TMTC4: variants seen among roughly 807,000 people sequenced by gnomAD.
The protein encoded by TMTC4 is transmembrane O-mannosyltransferase targeting cadherins 4.
A neutral mutation model predicts 86.0 loss-of-function variants in TMTC4; 65 were observed. That is an observed-to-expected ratio of 0.76 (90% CI 0.62 to 0.93). The LOEUF (loss-of-function observed/expected upper bound fraction) is 0.93, where lower values mean the gene tolerates loss of function less well. Ranked by LOEUF, TMTC4 falls within the 40% of genes least tolerant of loss-of-function variation. The pLI, the probability that TMTC4 is intolerant of heterozygous loss-of-function variation, is 0.00. For missense variants in TMTC4, 866 were observed against 948.1 expected (o/e 0.91, Z 1.14); for synonymous variants, 379 against 382.5 (o/e 0.99, Z 0.11).
chr13:100,630,590 A>AT (rs1881221529), intron 12 of TMTC4, among the ~76,000 whole-genome samples: 1 of 152,154 alleles, frequency 6.6e-6, no homozygotes, highest in African/African-American at 2.4e-5. Flanking sequence ...CTCCTCTCGT[A>AT]TGCACAAAAC....
chr13:100,634,922 A>G lies in TMTC4; in HGVS notation c.1389T>C (p.Ala463=). 6.2e-7 allele frequency: 1 copy of G among 1,614,004 alleles called. No homozygotes were observed. The highest frequency in any genetic ancestry group is 1.1e-5 in the South Asian group (1 of 91,036). ...KHTKKKKLIA[A]VVLGILFINT... Reference sequence around the variant, plus strand: ...TGATGAATAAGATTCCCAGCACGACAGCGGCAATGAGTTTCTTAAGAACAG... The same window carrying G: ...TGATGAATAAGATTCCCAGCACGACGGCGGCAATGAGTTTCTTAAGAACAG... The change falls in exon 12 of 19, where the codon GCT becomes GCC. Residue 463 remains alanine, a synonymous_variant. Coordinates refer to ENST00000342624, the MANE Select transcript of TMTC4 (RefSeq NM_032813.5).
rs748587143 is a variant in TMTC4 at position 100,634,878 on chromosome 13, A to G, written c.1433T>C (p.Leu478Pro). ...CTCACTCCGCCACTCGCCGCTGCGC[A>G]GCACACATCTCAGCGTGTTGATGAA... Reference protein sequence around the residue: ...ILFINTLRCVLRSGEWRSEEQ... With the variant: ...ILFINTLRCVPRSGEWRSEEQ... The change falls in exon 12 of 19, where the codon CTG (leucine) becomes CCG (proline). Residue 478 changes from leucine to proline, a missense_variant. Leu to Pro is a moderately conservative substitution (Grantham distance 98). Transcript: ENST00000342624. 5 of 1,614,234 alleles carry G rather than the reference A, an allele frequency of 3.1e-6. No homozygotes were observed. Among genetic ancestry groups the G allele is most frequent in the Non-Finnish European group, 4.2e-6 (5 of 1,180,044 alleles).
chr13:100,646,063 T>G (rs1367418219), intron 6 of TMTC4, among the ~76,000 whole-genome samples: 1 of 152,154 alleles, frequency 6.6e-6, no homozygotes, highest in African/African-American at 2.4e-5. Flanking sequence ...TCCATGAACC[T>G]GCACCTGGAT....
intron 12 of TMTC4, among the ~76,000 whole-genome samples, chr13:100,628,105 C>T (rs995480537): frequency 1.3e-5 from 2 of 152,128 alleles, no homozygotes; most frequent in Non-Finnish European, 2.9e-5. Context: ...GGGTGACCAG[C>T]CTTGTTTAGG....
chr13:100,639,179 T>C (rs1882679435), intron 7 of TMTC4, among the ~76,000 whole-genome samples: 1 of 152,162 alleles, frequency 6.6e-6, no homozygotes, highest in African/African-American at 2.4e-5. Flanking sequence ...GCAAAGGAGA[T>C]CACACATCAT....
chr13:100,623,052 C>T (rs1299920510), intron 15 of TMTC4, among the ~76,000 whole-genome samples: 1 of 152,108 alleles, frequency 6.6e-6, no homozygotes, highest in African/African-American at 2.4e-5. Flanking sequence ...ATGGTAAAAA[C>T]CAAAGCCTGG....
At chr13:100,623,803 G>A (rs909529474) in intron 15 of TMTC4, 2 of 396,262 alleles carry the variant, frequency 5.0e-6, no homozygotes, top group South Asian at 2.1e-5. Context: ...TCCACAGCTG[G>A]GGCATTGCTG....
intron 15 of TMTC4, among the ~76,000 whole-genome samples, chr13:100,619,328 GACACACACACACACACACACAC>G (rs34662519): frequency 1.4e-4 from 21 of 146,018 alleles, no homozygotes; most frequent in South Asian, 1.1e-3. Flanking sequence ...AATAAAAGCA[GACACACACACACACACACACAC>G]ACACACACAC....
chr13:100,608,381 T>C (rs1260484077), intron 17 of TMTC4, among the ~76,000 whole-genome samples: 1 of 152,012 alleles, frequency 6.6e-6, no homozygotes, highest in Non-Finnish European at 1.5e-5. Context: ...GGATGAGGAA[T>C]AACAGGCAGA....
At chr13:100,620,650 C>G (rs74118107) in intron 15 of TMTC4, among the ~76,000 whole-genome samples, 2,884 of 152,184 alleles carry the variant, frequency 0.019, 78 homozygotes, top group African/African-American at 0.057. Context: ...CATTGTCTTC[C>G]GCAATCCCTC....
In TMTC4 at chr13:100,637,598, G is replaced by A. The variant is rs374535152; in HGVS notation, c.939C>T (p.Gly313=). The part of the protein sequence containing the change: ...LYVRWRIMGT[G]PPAFTEVDNP... ...TGTCCACCTCGGTGAAGGCCGGCGG[G>A]CCCGTGCCCATGATCCTCCAGCGCA... Residue 313 remains glycine, a synonymous_variant, in exon 9 of 19, where the codon GGC becomes GGT. Coordinates refer to ENST00000342624, the MANE Select transcript of TMTC4 (RefSeq NM_032813.5). 6.2e-7 allele frequency: 1 copy of A among 1,614,074 alleles called. No individual in the cohort carries two copies. The highest frequency in any genetic ancestry group is 8.5e-7 in the Non-Finnish European group (1 of 1,180,032).
intron 17 of TMTC4, among the ~76,000 whole-genome samples, chr13:100,607,747 A>G (rs1057344010): frequency 6.6e-6 from 1 of 152,060 alleles, no homozygotes; most frequent in Non-Finnish European, 1.5e-5. Context: ...CATCTCCAAA[A>G]CCATGACCTT....
At chr13:100,637,070 A>C (rs1026475209) in intron 9 of TMTC4, among the ~76,000 whole-genome samples, 4 of 152,180 alleles carry the variant, frequency 2.6e-5, no homozygotes, top group African/African-American at 9.7e-5. Flanking sequence ...ATAACATAAC[A>C]GGCTTCGATG....
rs571665417 is a variant in TMTC4, at chr13:100,623,871, G to A, written c.1836+1664C>T. 3 of 491,632 alleles carry A rather than the reference G, an allele frequency of 6.1e-6. No homozygotes were observed. The East Asian group carries it at 1.9e-4, about 30-fold the overall frequency. 30.5% of individuals were successfully genotyped at this position (491,632 alleles called of 1,614,324 possible). A position where few individuals can be genotyped will look rare whatever the true frequency, so the allele number is the denominator to read the frequency against. On this transcript the variant is annotated intron_variant, in intron 15 of 18. Coordinates refer to ENST00000342624, the MANE Select transcript of TMTC4 (RefSeq NM_032813.5). ...CAGCACTGTTTTCCTCTTCACAGATGCACCCACTATTCTCTTGTTGGTGAT... is the reference window on the plus strand; with the variant it reads ...CAGCACTGTTTTCCTCTTCACAGATACACCCACTATTCTCTTGTTGGTGAT...
In TMTC4 at chr13:100,630,689, G is replaced by A. The variant is rs111390426; in HGVS notation, c.1506+4116C>T. 9.2e-5 allele frequency among the ~76,000 whole-genome samples: 14 copies of A among 152,220 alleles called. No individual in the cohort carries two copies. In the South Asian group the frequency reaches 1.9e-3, roughly 20 times the overall value. On this transcript the variant is annotated intron_variant, in intron 12 of 18. Coordinates refer to ENST00000342624, the MANE Select transcript of TMTC4 (RefSeq NM_032813.5). ...GCTTCTACTCAGACATCAACACGAC[G>A]CCCGCCTCTTCCGCCCCAAGCTCCT...
intron 7 of TMTC4, among the ~76,000 whole-genome samples, chr13:100,641,113 A>G (rs1179482586): frequency 6.6e-6 from 1 of 152,096 alleles, no homozygotes; most frequent in Non-Finnish European, 1.5e-5. Flanking sequence ...AATGTACCCC[A>G]AGAGAATACA....
chr13:100,617,578 C>T (rs781425747), intron 15 of TMTC4, among the ~76,000 whole-genome samples: 1 of 152,126 alleles, frequency 6.6e-6, no homozygotes, highest in Non-Finnish European at 1.5e-5. Flanking sequence ...GATTTATTGC[C>T]TAGGGAACCC....
intron 6 of TMTC4, among the ~76,000 whole-genome samples, chr13:100,655,034 T>TC (rs1256128290): frequency 6.7e-6 from 1 of 150,286 alleles, no homozygotes; most frequent in Admixed American, 6.6e-5. Context: ...TTTTTTTTTT[T>TC]TTTGTGAGAC....
At chr13:100,674,429 AG>A in intron 1 of TMTC4, 13 of 901,866 alleles carry the variant, frequency 1.4e-5, no homozygotes, top group Non-Finnish European at 1.7e-5. Flanking sequence ...GCGGCTGTGC[AG>A]GCAGGGGCTG....
Sources: allele counts gnomAD v4.1 joint callset (sites outside exome capture counted in the v4.1 genomes callset), GRCh38; gene constraint gnomAD v4.1.1; transcripts MANE v1.5; gene names NCBI Gene and HGNC (gene_info 2026-07-23, HGNC 2026-07-21).